Variants in KLHL2 observed in about 807,000 individuals in gnomAD.
KLHL2 encodes kelch-like protein 2.
KLHL2 carries 15 observed loss-of-function variants against 75.8 expected under a neutral mutation model. That is an observed-to-expected ratio of 0.20 (90% CI 0.13 to 0.30). KLHL2 has a LOEUF of 0.30. Ranked by LOEUF, KLHL2 falls within the 10% of genes least tolerant of loss-of-function variation. KLHL2 has a pLI of 1.00. For missense variants in KLHL2, 381 were observed against 741.0 expected, an observed-to-expected ratio of 0.51 and a Z score of 5.64; for synonymous variants, 214 against 251.9, an observed-to-expected ratio of 0.85 and a Z score of 1.42.
chr4:165,217,230 A>C (rs1206763790), intron 1 of KLHL2, among the ~76,000 whole-genome samples: 1 of 152,206 alleles, frequency 6.6e-6, no homozygotes. Context: ...TCGTATATAG[A>C]CATGCAGTGT....
chr4:165,297,640 A>G lies in KLHL2; in HGVS notation c.686A>G (p.His229Arg), dbSNP rs1253319898. 3.7e-6 allele frequency: 6 copies of G among 1,613,438 alleles called. No individual in the cohort carries two copies. The Admixed American group carries it at 8.3e-5, about 22-fold the overall frequency. Residue 229 changes from histidine (H) to arginine (R), a missense_variant, in exon 7 of 15, where the codon CAT (histidine) becomes CGT (arginine). His to Arg is a conservative substitution (Grantham distance 29). This residue lies in a region of KLHL2 where 111 missense variants were observed against 150.1 expected (regional missense o/e 0.74). Coordinates refer to ENST00000226725, the MANE Select transcript of KLHL2 (RefSeq NM_007246.4). ...VFEAVIAWVN[H>R]DKDVRQEFMA... is the part of the protein sequence containing the mutation. ...GAAGCAGTAATAGCATGGGTGAACC[A>G]TGACAAGGATGTGAGGCAAGAGTTT...
At chr4:165,256,900 T>C (rs1164813047) in intron 4 of KLHL2, among the ~76,000 whole-genome samples, 1 of 152,214 alleles carries the variant, frequency 6.6e-6, no homozygotes, top group African/African-American at 2.4e-5. Flanking sequence ...TTTTAGAAAC[T>C]AGCTTTTTAT....
intron 5 of KLHL2, among the ~76,000 whole-genome samples, chr4:165,288,486 C>G (rs1579127976): frequency 6.6e-6 from 1 of 152,162 alleles, no homozygotes; most frequent in African/African-American, 2.4e-5. Flanking sequence ...AACAAACAAT[C>G]TAGCCACTGA....
intron 13 of KLHL2, among the ~76,000 whole-genome samples, chr4:165,315,451 A>G (rs1746526927): frequency 6.6e-6 from 1 of 152,186 alleles, no homozygotes; most frequent in African/African-American, 2.4e-5. Context: ...AGACAACATT[A>G]CTTGAGTTTA....
At chr4:165,221,702 T>A (rs965554324) in intron 2 of KLHL2, among the ~76,000 whole-genome samples, 1 of 152,148 alleles carries the variant, frequency 6.6e-6, no homozygotes, top group Non-Finnish European at 1.5e-5. Flanking sequence ...TGGAGAGAGA[T>A]AAGAGAAAGT....
intron 5 of KLHL2, among the ~76,000 whole-genome samples, chr4:165,267,612 G>A (rs149176729): frequency 0.089 from 13,486 of 152,056 alleles, 1,317 homozygotes; most frequent in African/African-American, 0.25. Flanking sequence ...GATGGATTAC[G>A]TTTATATATT....
At chr4:165,315,239 A>C (rs973278507) in intron 13 of KLHL2, among the ~76,000 whole-genome samples, 1 of 152,174 alleles carries the variant, frequency 6.6e-6, no homozygotes, top group South Asian at 2.1e-4. Context: ...ATATTTTCTT[A>C]AAGGTTAGAC....
chr4:165,280,413 G>A (rs1214182926), intron 5 of KLHL2, among the ~76,000 whole-genome samples: 10 of 152,284 alleles, frequency 6.6e-5, no homozygotes, highest in Admixed American at 5.2e-4. Context: ...TTTAGGCTAG[G>A]AATCACTGCT....
chr4:165,239,768 A>G (rs1280407235), intron 4 of KLHL2, among the ~76,000 whole-genome samples: 1 of 152,234 alleles, frequency 6.6e-6, no homozygotes, highest in Admixed American at 6.5e-5. Context: ...ACCCCAGTCC[A>G]CATACATTGA....
At chr4:165,222,888 A>T (rs183754703) in intron 2 of KLHL2, among the ~76,000 whole-genome samples, 1 of 152,344 alleles carries the variant, frequency 6.6e-6, no homozygotes, top group East Asian at 1.9e-4. Context: ...TGTACTCCGA[A>T]CAATGTTAAT....
At chr4:165,213,020 C>T (rs1737303580) in intron 1 of KLHL2, among the ~76,000 whole-genome samples, 1 of 152,244 alleles carries the variant, frequency 6.6e-6, no homozygotes, top group Non-Finnish European at 1.5e-5. Flanking sequence ...CACAAACTGA[C>T]TTCATTTTAT....
chr4:165,226,298 C>T (rs1282315706), intron 2 of KLHL2, among the ~76,000 whole-genome samples: 1 of 152,200 alleles, frequency 6.6e-6, no homozygotes, highest in Non-Finnish European at 1.5e-5. Context: ...CTTCTTGGCC[C>T]ACAGTTCCGC....
chr4:165,257,496 G>A (rs575770830), intron 4 of KLHL2, among the ~76,000 whole-genome samples: 1 of 152,300 alleles, frequency 6.6e-6, no homozygotes, highest in African/African-American at 2.4e-5. Context: ...CCAGAGAGAG[G>A]TATGGCCAGG....
chr4:165,280,314 TG>T (rs2126414738), intron 5 of KLHL2, among the ~76,000 whole-genome samples: 1 of 152,354 alleles, frequency 6.6e-6, no homozygotes, highest in African/African-American at 2.4e-5. Flanking sequence ...TAAGTATATT[TG>T]GAATATGCAT....
At chr4:165,294,016 C>T (rs570529641) in intron 5 of KLHL2, among the ~76,000 whole-genome samples, 1 of 152,162 alleles carries the variant, frequency 6.6e-6, no homozygotes, top group South Asian at 2.1e-4. Context: ...AAAGGTTTTA[C>T]AAATTTAAGT....
chr4:165,315,129 A>G (rs1396865643), intron 13 of KLHL2, among the ~76,000 whole-genome samples: 1 of 152,156 alleles, frequency 6.6e-6, no homozygotes, highest in Non-Finnish European at 1.5e-5. Context: ...CCTTAGTAGA[A>G]TAAGTGACTC....
chr4:165,320,913 A>C (rs191968537), intron 14 of KLHL2, among the ~76,000 whole-genome samples: 21 of 152,356 alleles, frequency 1.4e-4, no homozygotes, highest in African/African-American at 5.0e-4. Flanking sequence ...TTAACAGAAC[A>C]TGACTCGACG....
At chr4:165,279,440 T>G (rs770791697) in intron 5 of KLHL2, 2 of 1,601,754 alleles carry the variant, frequency 1.2e-6, no homozygotes, top group Admixed American at 1.7e-5. Flanking sequence ...ACATGTTTTC[T>G]CTATACACTC....
At chr4:165,271,956 A>G (rs1742731922) in intron 5 of KLHL2, among the ~76,000 whole-genome samples, 3 of 152,208 alleles carry the variant, frequency 2.0e-5, no homozygotes, top group African/African-American at 7.2e-5. Flanking sequence ...GGGAGAATGC[A>G]TGTGTGTATA....
Sources: gnomAD v4.1 joint callset for allele counts (sites outside exome capture counted in the v4.1 genomes callset) on GRCh38, gnomAD v4.1.1 for gene constraint, gnomAD v4.1.1 regional missense constraint, MANE v1.5 for transcripts, NCBI Gene and HGNC (gene_info 2026-07-23, HGNC 2026-07-21) for gene names.